Variants in DOCK2 observed in about 807,000 individuals in gnomAD.
DOCK2 encodes dedicator of cytokinesis 2, also known as dedicator of cytokinesis protein 2.
In DOCK2, 87 loss-of-function variants were observed where a neutral mutation model predicts 248.9. The observed-to-expected ratio is 0.35, with a 90% confidence interval of 0.29 to 0.42. The LOEUF is 0.42. Among genes scored for constraint, DOCK2 ranks in the 10% least tolerant of loss-of-function variants. The pLI is 1.00. For synonymous variants in DOCK2, 805 were observed against 821.6 expected (o/e 0.98, Z 0.35); for missense variants, 1,747 against 2,300.2 (o/e 0.76, Z 4.92).
intron 32 of DOCK2, among the ~76,000 whole-genome samples, chr5:170,015,567 T>TTTG (rs76733517): frequency 7.9e-5 from 12 of 151,074 alleles, no homozygotes; most frequent in South Asian, 4.2e-4. Context: ...TTTAGGTTTT[T>TTTG]TTTGTTTGTT....
chr5:169,948,569 C>T (rs1213518899), intron 27 of DOCK2, among the ~76,000 whole-genome samples: 1 of 151,250 alleles, frequency 6.6e-6, no homozygotes, highest in Non-Finnish European at 1.5e-5. Context: ...TTTATCCCTC[C>T]CTCCTTCCCT....
chr5:170,023,648 C>A (rs1755806670), intron 33 of DOCK2, among the ~76,000 whole-genome samples: 1 of 152,196 alleles, frequency 6.6e-6, no homozygotes, highest in Admixed American at 6.5e-5. Context: ...GCCGCGCTGA[C>A]TTCCAGACAC....
rs778407336 is a variant in DOCK2, at chr5:169,714,231, TTG to T, written c.1843+24_1843+25del. 7.5e-6 allele frequency: 12 copies of T among 1,600,264 alleles called. No individual in the cohort carries two copies. The highest frequency in any genetic ancestry group is 1.0e-5 in the Non-Finnish European group (12 of 1,170,774). On this transcript the variant is annotated intron_variant, in intron 18 of 51. Coordinates refer to ENST00000520908, the MANE Select transcript of DOCK2 (RefSeq NM_004946.3). ...AGAATGGTAATCGGGTCATCAAGAGTTGTGTCTGTGGGGAGTGTGTGTGTCCG... is the reference window on the plus strand; with the variant it reads ...AGAATGGTAATCGGGTCATCAAGAGTTGTCTGTGGGGAGTGTGTGTGTCCG...
In DOCK2 at chr5:169,793,255, G is replaced by A. The variant is rs538094750; in HGVS notation, c.2555-9803G>A. ...ATCTAATCCATCAGCAGGTCATGTC[G>A]ACTCTGCCTTCAAAAAATAACCCAT... On this transcript the variant is annotated intron_variant, in intron 25 of 51. Coordinates refer to ENST00000520908, the MANE Select transcript of DOCK2 (RefSeq NM_004946.3). Among the ~76,000 whole-genome samples, 7 of 152,214 alleles carry A rather than the reference G, an allele frequency of 4.6e-5. No individual in the cohort carries two copies. In the East Asian group the frequency reaches 5.8e-4, roughly 13 times the overall value.
At chr5:169,948,194 T>C (rs1036004612) in intron 27 of DOCK2, among the ~76,000 whole-genome samples, 7 of 152,172 alleles carry the variant, frequency 4.6e-5, no homozygotes, top group African/African-American at 1.7e-4. Context: ...TAGTTATTTG[T>C]CTGCTGTGAC....
intron 25 of DOCK2, among the ~76,000 whole-genome samples, chr5:169,779,814 G>C (rs1244942226): frequency 6.6e-6 from 1 of 151,914 alleles, no homozygotes; most frequent in Non-Finnish European, 1.5e-5. Flanking sequence ...ACTCGCATCA[G>C]CTTAGACACC....
At chr5:169,818,469 C>T (rs13158097) in intron 26 of DOCK2, among the ~76,000 whole-genome samples, 25,624 of 152,158 alleles carry the variant, frequency 0.17, 2,579 homozygotes, top group Admixed American at 0.23. Context: ...ACTAACTAGC[C>T]GGGTGGTACT....
chr5:169,771,639 T>C (rs968328988), intron 25 of DOCK2, among the ~76,000 whole-genome samples: 2 of 152,218 alleles, frequency 1.3e-5, no homozygotes, highest in African/African-American at 2.4e-5. Context: ...ATATTTAATA[T>C]ATTCTTTCTA....
At chr5:169,681,917 A>G (rs770760082) in intron 7 of DOCK2, 38 bp downstream of exon 7, 1 of 1,608,464 alleles carries the variant, frequency 6.2e-7, no homozygotes, top group South Asian at 1.1e-5. Context: ...AAGTGATACA[A>G]TCATTTAGCA....
intron 26 of DOCK2, among the ~76,000 whole-genome samples, chr5:169,826,938 A>G (rs1768901112): frequency 6.6e-6 from 1 of 151,620 alleles, no homozygotes; most frequent in Non-Finnish European, 1.5e-5. Flanking sequence ...TATGCTGCTA[A>G]TACACTGTGG....
At chr5:169,653,588 C>G (rs1415946740) in intron 1 of DOCK2, among the ~76,000 whole-genome samples, 1 of 152,194 alleles carries the variant, frequency 6.6e-6, no homozygotes, top group East Asian at 1.9e-4. Flanking sequence ...TCCATTGTCC[C>G]AATGGTGCTG....
At chr5:169,657,930 A>T (rs1044768384) in intron 2 of DOCK2, among the ~76,000 whole-genome samples, 81 of 152,220 alleles carry the variant, frequency 5.3e-4, no homozygotes, top group Non-Finnish European at 1.1e-3. Context: ...ACAATATTTT[A>T]AAAAATCTAA....
At chr5:169,679,725 G>A (rs1052147731) in intron 6 of DOCK2, among the ~76,000 whole-genome samples, 1 of 152,230 alleles carries the variant, frequency 6.6e-6, no homozygotes, top group Non-Finnish European at 1.5e-5. Flanking sequence ...GCATGGCCGT[G>A]TACCATTATG....
intron 25 of DOCK2, among the ~76,000 whole-genome samples, chr5:169,781,217 A>G (rs965321512): frequency 1.3e-5 from 2 of 152,252 alleles, no homozygotes; most frequent in Non-Finnish European, 2.9e-5. Context: ...GAAAATCCAC[A>G]TAGAAATGGG....
intron 27 of DOCK2, chr5:169,841,462 A>G (rs866896723): frequency 1.3e-5 from 13 of 985,596 alleles, no homozygotes; most frequent in Non-Finnish European, 1.6e-5. Context: ...CCAAAATTCA[A>G]ATGCTTTCAG....
At chr5:169,871,001 G>C (rs146697266) in intron 27 of DOCK2, among the ~76,000 whole-genome samples, 2 of 152,166 alleles carry the variant, frequency 1.3e-5, no homozygotes, top group South Asian at 4.1e-4. Context: ...CCTCTTCCTG[G>C]TCTACAGACA....
chr5:169,878,519 G>A (rs1254195199), intron 27 of DOCK2, among the ~76,000 whole-genome samples: 2 of 152,156 alleles, frequency 1.3e-5, no homozygotes, highest in Non-Finnish European at 2.9e-5. Context: ...CTTGCTCAGG[G>A]CTGTGAAACT....
At position 170,034,568 on chromosome 5, in the gene DOCK2, G is replaced by T; in HGVS notation, c.3624+13G>T. 1 of 1,613,790 alleles carries T rather than the reference G, an allele frequency of 6.2e-7. No homozygotes were observed. The stretch of plus-strand genomic sequence containing the variant: ...CGTGAACCTGCTGGTGCGTGGGGCT[G>T]GCGGGTCCAAGTCAGACCAGAACCC... On this transcript the variant is annotated intron_variant, in intron 35 of 51. Coordinates refer to ENST00000520908, the MANE Select transcript of DOCK2 (RefSeq NM_004946.3).
At chr5:169,804,485 T>TGCGCGC (rs1479245337) in intron 26 of DOCK2, among the ~76,000 whole-genome samples, 24 of 68,092 alleles carry the variant, frequency 3.5e-4, no homozygotes, top group East Asian at 6.3e-4. Context: ...TGTGTGTGTG[T>TGCGCGC]GCGCGCGCGC....
Sources: gnomAD v4.1 joint callset for allele counts (sites outside exome capture counted in the v4.1 genomes callset) on GRCh38, gnomAD v4.1.1 for gene constraint, MANE v1.5 for transcripts, NCBI Gene and HGNC (gene_info 2026-07-23, HGNC 2026-07-21) for gene names.